Variants in IQGAP2 observed in about 807,000 individuals in gnomAD.
IQGAP2 encodes ras GTPase-activating-like protein IQGAP2.
A neutral mutation model predicts 201.3 loss-of-function variants in IQGAP2; 173 were observed. That is an observed-to-expected ratio of 0.86 (90% confidence interval 0.76 to 0.98). IQGAP2 has a LOEUF of 0.98. Among genes scored for constraint, IQGAP2 ranks in the 50% least tolerant of loss-of-function variants. The probability of loss-of-function intolerance (pLI) is 0.00; values close to 1 mark genes in which losing one functional copy is unlikely to be tolerated. For synonymous variants in IQGAP2, 675 were observed against 673.9 expected (o/e 1.00, Z -0.03); for missense variants, 1,687 against 1,864.8 (o/e 0.90, Z 1.76).
At chr5:76,508,758 A>C (rs542833691) in intron 2 of IQGAP2, among the ~76,000 whole-genome samples, 3 of 152,024 alleles carry the variant, frequency 2.0e-5, no homozygotes, top group East Asian at 3.9e-4. Flanking sequence ...AAAAATACGA[A>C]ATGGACAAAG....
At chr5:76,554,327 C>T (rs565956457) in intron 2 of IQGAP2, among the ~76,000 whole-genome samples, 2 of 152,200 alleles carry the variant, frequency 1.3e-5, no homozygotes, top group East Asian at 3.9e-4. Flanking sequence ...GAGACTTCAT[C>T]AAGATAAAAA....
intron 17 of IQGAP2, among the ~76,000 whole-genome samples, chr5:76,644,647 G>A (rs1325132650): frequency 6.6e-6 from 1 of 151,954 alleles, no homozygotes; most frequent in Non-Finnish European, 1.5e-5. Context: ...TATATCAACT[G>A]TATACCCATA....
chr5:76,436,574 A>G (rs1300724750), intron 1 of IQGAP2, among the ~76,000 whole-genome samples: 1 of 110,690 alleles, frequency 9.0e-6, no homozygotes. Context: ...TTCTGTTGCC[A>G]GGCTGGAGTG....
chr5:76,658,439 A>C lies in IQGAP2; in HGVS notation c.2321-20A>C. 1 of 1,581,662 alleles carries C rather than the reference A, an allele frequency of 6.3e-7. No individual in the cohort carries two copies. Among genetic ancestry groups the C allele is most frequent in the Non-Finnish European group, 8.7e-7 (1 of 1,150,730 alleles). Reference sequence around the variant, plus strand: ...TTCCAAGCTTTCCTAATTAAAGTATACCTGTTCCTGTCACTGCAGTTGGCT... The same window carrying C: ...TTCCAAGCTTTCCTAATTAAAGTATCCCTGTTCCTGTCACTGCAGTTGGCT... On this transcript the variant is annotated intron_variant, in intron 20 of 35. Transcript: ENST00000274364.
At chr5:76,678,918 G>A (rs535336500) in intron 28 of IQGAP2, among the ~76,000 whole-genome samples, 1 of 152,260 alleles carries the variant, frequency 6.6e-6, no homozygotes, top group Non-Finnish European at 1.5e-5. Flanking sequence ...GAACTTCCCT[G>A]ACATTTACAT....
rs1745425674 is a variant in IQGAP2, at chr5:76,575,704, A to G, written c.393A>G (p.Pro131=). Residue 131 remains proline (P), a synonymous_variant, in exon 5 of 36, where the codon CCA becomes CCG. Coordinates refer to ENST00000274364, the MANE Select transcript of IQGAP2 (RefSeq NM_006633.5). ...CTTTTGTTTTCCAGATATTTTATCC[A>G]GAAACAACAGATGTCTATGATCGGA... ...ESIGLPKIFY[P]ETTDVYDRKN... The G allele has an allele frequency of 1.3e-6, 2 of 1,575,132 alleles. No homozygotes were observed. Among genetic ancestry groups the G allele is most frequent in the Non-Finnish European group, 1.7e-6 (2 of 1,154,580 alleles).
At chr5:76,661,740 G>A (rs1358250884) in intron 21 of IQGAP2, among the ~76,000 whole-genome samples, 2 of 152,112 alleles carry the variant, frequency 1.3e-5, no homozygotes, top group African/African-American at 4.8e-5. Flanking sequence ...CTGAAGCTTA[G>A]GTTAACCTGT....
At chr5:76,437,159 C>G (rs1752754421) in intron 1 of IQGAP2, among the ~76,000 whole-genome samples, 1 of 151,892 alleles carries the variant, frequency 6.6e-6, no homozygotes, top group Non-Finnish European at 1.5e-5. Flanking sequence ...TCAAGTGATT[C>G]CCATGTCTCA....
At chr5:76,671,691 A>G (rs908389247) in intron 23 of IQGAP2, 68 bp from the exon 24 acceptor site, 6,262 of 136,976 alleles carry the variant, frequency 0.046, 16 homozygotes, top group South Asian at 0.096. Flanking sequence ...GTCTCGGGGA[A>G]AAAAAAAAAA....
intron 1 of IQGAP2, among the ~76,000 whole-genome samples, chr5:76,431,434 T>G (rs1188968687): frequency 6.6e-6 from 1 of 152,154 alleles, no homozygotes; most frequent in Non-Finnish European, 1.5e-5. Flanking sequence ...TTTTATTATA[T>G]GAATTGGTAC....
At chr5:76,653,633 G>A (rs543563303) in intron 18 of IQGAP2, among the ~76,000 whole-genome samples, 103 of 152,260 alleles carry the variant, frequency 6.8e-4, no homozygotes, top group African/African-American at 2.3e-3. Context: ...TTTAAAAAAC[G>A]TTTTAAACTG....
Position 76,407,474 on chromosome 5 carries a change from A to G in IQGAP2, c.46+3883A>G, listed in dbSNP as rs115682782. 3.8e-3 allele frequency among the ~76,000 whole-genome samples: 578 copies of G among 152,352 alleles called. 6 individuals are homozygous for G. The highest frequency in any genetic ancestry group is 0.012 in the African/African-American group (493 of 41,576). ...GATTGAATAAGTCGGTATTTAGCATAGCTCAGCTGTAACATCCTATCAGTG... is the reference window on the plus strand; with the variant it reads ...GATTGAATAAGTCGGTATTTAGCATGGCTCAGCTGTAACATCCTATCAGTG... On this transcript the variant is annotated intron_variant, in intron 1 of 35. Coordinates refer to ENST00000274364, the MANE Select transcript of IQGAP2 (RefSeq NM_006633.5).
intron 2 of IQGAP2, among the ~76,000 whole-genome samples, chr5:76,554,535 T>C (rs748595182): frequency 6.6e-6 from 1 of 152,106 alleles, no homozygotes; most frequent in Non-Finnish European, 1.5e-5. Context: ...CAAAAGTATA[T>C]AAATGGGCTA....
intron 31 of IQGAP2, among the ~76,000 whole-genome samples, chr5:76,694,204 G>C (rs979852868): frequency 5.3e-5 from 8 of 152,220 alleles, no homozygotes; most frequent in African/African-American, 1.9e-4. Context: ...AGGCTGAGGT[G>C]TGTAGATCAC....
intron 1 of IQGAP2, among the ~76,000 whole-genome samples, chr5:76,447,212 G>A (rs148160812): frequency 5.9e-4 from 90 of 152,338 alleles, no homozygotes; most frequent in African/African-American, 2.0e-3. Context: ...GCCTAGCTGG[G>A]AAGGTGACCA....
At chr5:76,475,497 A>G (rs1455628763) in intron 2 of IQGAP2, among the ~76,000 whole-genome samples, 1 of 152,150 alleles carries the variant, frequency 6.6e-6, no homozygotes, top group Non-Finnish European at 1.5e-5. Flanking sequence ...CCTGCATCCC[A>G]CATTCTCTTT....
chr5:76,695,197 A>G (rs1746614067), intron 31 of IQGAP2, among the ~76,000 whole-genome samples: 1 of 152,202 alleles, frequency 6.6e-6, no homozygotes, highest in African/African-American at 2.4e-5. Flanking sequence ...AAATATGTCC[A>G]TTACTATAGT....
Position 76,403,473 on chromosome 5 carries a change from A to G in IQGAP2, c.-73A>G. ...GGATCCGAGCGCGCCGGCGGGGCGCAGAGCCCGCGAGCCTGGCCAGCGAGG... is the reference window on the plus strand; with the variant it reads ...GGATCCGAGCGCGCCGGCGGGGCGCGGAGCCCGCGAGCCTGGCCAGCGAGG... On this transcript the variant is annotated 5_prime_UTR_variant, in exon 1 of 36. Transcript: ENST00000274364. The surrounding 1 kb of genome is among the most constrained non-coding windows in gnomAD (Gnocchi z 4.8). 1 of 1,191,362 alleles carries G rather than the reference A, an allele frequency of 8.4e-7. No homozygotes were observed. Among genetic ancestry groups the G allele is most frequent in the East Asian group, 3.2e-5 (1 of 31,086 alleles). The allele number at this position is 1,191,362 out of a possible 1,614,324, so 73.8% of individuals were successfully genotyped here. A position where few individuals can be genotyped will look rare whatever the true frequency, so the allele number is the denominator to read the frequency against.
intron 12 of IQGAP2, among the ~76,000 whole-genome samples, chr5:76,610,387 C>T (rs1748280463): frequency 6.6e-6 from 1 of 151,170 alleles, no homozygotes; most frequent in Non-Finnish European, 1.5e-5. Flanking sequence ...AGTATGATAC[C>T]ACTTCACACC....
Sources: gnomAD v4.1 joint callset for allele counts (sites outside exome capture counted in the v4.1 genomes callset) on GRCh38, gnomAD v4.1.1 for gene constraint, Gnocchi (gnomAD v3.1) non-coding constraint, MANE v1.5 for transcripts, NCBI Gene and HGNC (gene_info 2026-07-23, HGNC 2026-07-21) for gene names.